The following JMJD1C variants were observed in gnomAD, a reference collection of about 807,000 sequenced individuals.
The protein encoded by JMJD1C is jumonji domain-containing protein 1C.
In JMJD1C, 31 loss-of-function variants were observed where a neutral mutation model predicts 245.3. That is an observed-to-expected ratio of 0.13 (90% confidence interval 0.09 to 0.17). JMJD1C has a LOEUF of 0.17. JMJD1C is among the 10% of genes least tolerant of loss of function. JMJD1C has a pLI of 1.00. For synonymous variants in JMJD1C, 1,057 were observed against 1,017.4 expected (o/e 1.04, Z -0.74); for missense variants, 2,691 against 3,000.2 (o/e 0.90, Z 2.41).
intron 2 of JMJD1C, among the ~76,000 whole-genome samples, chr10:63,303,046 G>A (rs1860288180): frequency 6.6e-6 from 1 of 152,072 alleles, no homozygotes; most frequent in South Asian, 2.1e-4. Flanking sequence ...ACCACACCCA[G>A]CTAGAAACTT....
intron 3 of JMJD1C, among the ~76,000 whole-genome samples, chr10:63,226,087 G>T (rs113328993): frequency 0.036 from 5,307 of 147,006 alleles, 287 homozygotes; most frequent in East Asian, 0.27. Context: ...TTCTTTATAT[G>T]TAAGGGGTAA....
rs1302350652 is a variant in JMJD1C at position 63,225,317 on chromosome 10, T to C, written c.448-5334A>G. 2.6e-5 allele frequency among the ~76,000 whole-genome samples: 4 copies of C among 152,172 alleles called. No homozygotes were observed. In the South Asian group the frequency reaches 6.2e-4, roughly 24 times the overall value. ...GACAAATGGAAAAAAATCAGTTCAC[T>C]AAGCATCTGCTTTATTAGAAATGTA... On this transcript the variant is annotated intron_variant, in intron 3 of 25. Transcript: ENST00000399262.
chr10:63,403,713 C>G (rs949470240), intron 1 of JMJD1C, among the ~76,000 whole-genome samples: 1 of 152,118 alleles, frequency 6.6e-6, no homozygotes, highest in Non-Finnish European at 1.5e-5. Flanking sequence ...CCAAGGCAGG[C>G]GGATCACAAG....
chr10:63,511,581 G>A (rs1364522332), intron 1 of JMJD1C, among the ~76,000 whole-genome samples: 1 of 152,092 alleles, frequency 6.6e-6, no homozygotes, highest in Non-Finnish European at 1.5e-5. Flanking sequence ...GCAGTGGCAG[G>A]CGCCTGTAAT....
At chr10:63,409,920 A>G (rs1949386799) in intron 1 of JMJD1C, among the ~76,000 whole-genome samples, 1 of 152,188 alleles carries the variant, frequency 6.6e-6, no homozygotes, top group East Asian at 1.9e-4. Context: ...TTGCATAAGG[A>G]GTCTGGGGGT....
chr10:63,404,240 A>C (rs1949041049), intron 1 of JMJD1C, among the ~76,000 whole-genome samples: 1 of 152,224 alleles, frequency 6.6e-6, no homozygotes. Context: ...CATAAAATGC[A>C]GTTATTTAGA....
At chr10:63,486,448 C>G (rs1336616219) in intron 1 of JMJD1C, among the ~76,000 whole-genome samples, 1 of 152,140 alleles carries the variant, frequency 6.6e-6, no homozygotes, top group Non-Finnish European at 1.5e-5. Flanking sequence ...AAGGAATCAG[C>G]ATTTAGAATA....
At chr10:63,441,204 G>C (rs886958358) in intron 1 of JMJD1C, among the ~76,000 whole-genome samples, 1 of 152,062 alleles carries the variant, frequency 6.6e-6, no homozygotes, top group Non-Finnish European at 1.5e-5. Flanking sequence ...TTTTTTACAC[G>C]GTTTAGACTG....
At chr10:63,398,652 T>TAA (rs1564878280) in intron 1 of JMJD1C, among the ~76,000 whole-genome samples, 3 of 152,072 alleles carry the variant, frequency 2.0e-5, no homozygotes, top group African/African-American at 7.2e-5. Context: ...AAAATTTTTT[T>TAA]TTTTTTTTTG....
At position 63,200,485 on chromosome 10, in the gene JMJD1C, T is replaced by C; in HGVS notation, c.5267A>G (p.Tyr1756Cys). 6.2e-7 allele frequency: 1 copy of C among 1,611,388 alleles called. No individual in the cohort carries two copies. Among genetic ancestry groups the C allele is most frequent in the Non-Finnish European group, 8.5e-7 (1 of 1,177,628 alleles). ...AHSPVFCRFY[Y>C]FRRLSFSKNG... is the part of the protein sequence containing the mutation. ...TCATATTTTCACTTACCGTCTAAAG[T>C]AGTAAAATCTACAAAATACTGGTGA... Residue 1756 changes from tyrosine to cysteine, a missense_variant, in exon 11 of 26, where the codon TAC becomes TGC. Coordinates refer to ENST00000399262, the MANE Select transcript of JMJD1C (RefSeq NM_032776.3).
chr10:63,505,556 T>C (rs878907223), intron 1 of JMJD1C, among the ~76,000 whole-genome samples: 8 of 152,244 alleles, frequency 5.3e-5, no homozygotes, highest in Admixed American at 3.3e-4. Context: ...ATAATGGCTC[T>C]GATTATTTAA....
At chr10:63,217,163 TG>T in intron 5 of JMJD1C, 43 bp downstream of exon 5, 2 of 1,559,538 alleles carry the variant, frequency 1.3e-6, no homozygotes, top group Non-Finnish European at 1.7e-6. Context: ...ATGGATGATT[TG>T]AACTTTTAAA....
chr10:63,422,595 T>A (rs7100707), intron 1 of JMJD1C, among the ~76,000 whole-genome samples: 8,869 of 152,080 alleles, frequency 0.058, 430 homozygotes, highest in African/African-American at 0.13. Context: ...AAAGCAGGAG[T>A]CTCTACTGTA....
At chr10:63,352,163 G>T (rs77760190) in intron 2 of JMJD1C, among the ~76,000 whole-genome samples, 8 of 152,108 alleles carry the variant, frequency 5.3e-5, no homozygotes, top group African/African-American at 1.4e-4. Context: ...ACTAACTTGA[G>T]GTACTTTGTG....
At chr10:63,277,127 C>T (rs574631818) in intron 2 of JMJD1C, among the ~76,000 whole-genome samples, 142 of 151,798 alleles carry the variant, frequency 9.4e-4, no homozygotes, top group African/African-American at 3.3e-3. Flanking sequence ...GTGATCCGCC[C>T]GCCTCGGCCT....
chr10:63,212,986 G>C (rs1366334163), intron 8 of JMJD1C, among the ~76,000 whole-genome samples: 2 of 151,174 alleles, frequency 1.3e-5, no homozygotes, highest in Non-Finnish European at 2.9e-5. Context: ...AGGAGTTCAA[G>C]ACCAGCCTGA....
chr10:63,193,575 G>T, intron 14 of JMJD1C, 103 bp from the exon 15 acceptor site: 1 of 672,312 alleles, frequency 1.5e-6, no homozygotes, highest in East Asian at 3.1e-5. Flanking sequence ...AATAACGGAG[G>T]TTTTCTTGTG....
At chr10:63,314,583 A>C (rs10400028) in intron 2 of JMJD1C, among the ~76,000 whole-genome samples, 21,444 of 152,050 alleles carry the variant, frequency 0.14, 3,457 homozygotes, top group African/African-American at 0.4. Flanking sequence ...CCAAACAATT[A>C]ATCATTTATG....
rs1236156823 is a variant in JMJD1C at position 63,465,937 on chromosome 10, C to G, written c.-275G>C. On this transcript the variant is annotated 5_prime_UTR_variant, in exon 1 of 26. Coordinates refer to ENST00000399262, the MANE Select transcript of JMJD1C (RefSeq NM_032776.3). ...AACCCAACGCGGCCGTCGAAGACCC[C>G]GAGGCAGCCCAGCCGCCGCCACCGC... 5.3e-6 allele frequency: 3 copies of G among 562,040 alleles called. No homozygotes were observed. In the East Asian group the frequency reaches 9.8e-5, roughly 18 times the overall value. The allele number at this position is 562,040 out of a possible 1,614,324, so 34.8% of individuals were successfully genotyped here.
Sources: allele counts gnomAD v4.1 joint callset (sites outside exome capture counted in the v4.1 genomes callset), GRCh38; gene constraint gnomAD v4.1.1; transcripts MANE v1.5; gene names NCBI Gene and HGNC (gene_info 2026-07-23, HGNC 2026-07-21).